PIK3C2G: variants seen among roughly 807,000 people sequenced by gnomAD.
The protein encoded by PIK3C2G is phosphatidylinositol-4-phosphate 3-kinase catalytic subunit type 2 gamma.
A neutral mutation model predicts 181.1 loss-of-function variants in PIK3C2G; 168 were observed. That is an observed-to-expected ratio of 0.93 (90% CI 0.82 to 1.05). The LOEUF (loss-of-function observed/expected upper bound fraction) is 1.05, where lower values mean the gene tolerates loss of function less well. PIK3C2G is among the 50% of genes least tolerant of loss of function. The pLI is 0.00. For missense variants in PIK3C2G, 1,869 were observed against 1,732.8 expected (o/e 1.08, Z -1.40); for synonymous variants, 573 against 592.2 (o/e 0.97, Z 0.47).
At chr12:18,512,565 A>G (rs1206776206) in intron 24 of PIK3C2G, among the ~76,000 whole-genome samples, 2 of 151,902 alleles carry the variant, frequency 1.3e-5, no homozygotes, top group African/African-American at 4.8e-5. Flanking sequence ...TGTTGCCCCC[A>G]TAAATGGGAT....
intron 31 of PIK3C2G, among the ~76,000 whole-genome samples, chr12:18,629,324 G>T (rs535394343): frequency 1.2e-4 from 19 of 152,248 alleles, no homozygotes; most frequent in Admixed American, 6.5e-5. Flanking sequence ...TGCCTACAAG[G>T]TCCCTAAGAA....
At chr12:18,614,447 T>A (rs1289924739) in intron 31 of PIK3C2G, among the ~76,000 whole-genome samples, 1 of 152,124 alleles carries the variant, frequency 6.6e-6, no homozygotes, top group Non-Finnish European at 1.5e-5. Context: ...CCTTCCTTTT[T>A]GAACATTTTG....
At chr12:18,414,414 C>G (rs1945051629) in intron 16 of PIK3C2G, among the ~76,000 whole-genome samples, 1 of 151,878 alleles carries the variant, frequency 6.6e-6, no homozygotes, top group Non-Finnish European at 1.5e-5. Context: ...TGTTTTCATC[C>G]TTCTCATCTT....
chr12:18,423,167 G>T (rs953926777), intron 17 of PIK3C2G, among the ~76,000 whole-genome samples: 1 of 151,674 alleles, frequency 6.6e-6, no homozygotes, highest in African/African-American at 2.4e-5. Context: ...GTGTGTGTGT[G>T]TAAGAGAGAG....
At chr12:18,464,664 T>C (rs368943159) in intron 18 of PIK3C2G, among the ~76,000 whole-genome samples, 2 of 152,236 alleles carry the variant, frequency 1.3e-5, no homozygotes, top group South Asian at 2.1e-4. Flanking sequence ...AAATATATTA[T>C]TTAGTTTTAT....
upstream of PIK3C2G, among the ~76,000 whole-genome samples, chr12:18,259,188 T>A (rs1000622966): frequency 6.6e-6 from 1 of 152,106 alleles, no homozygotes; most frequent in African/African-American, 2.4e-5. Context: ...CATTATAACC[T>A]GTACTAGGTA....
At chr12:18,340,813 T>C (rs1053764920) in intron 9 of PIK3C2G, among the ~76,000 whole-genome samples, 2 of 152,072 alleles carry the variant, frequency 1.3e-5, no homozygotes, top group African/African-American at 4.8e-5. Flanking sequence ...GTAGCTTAAA[T>C]GAGATCATTG....
chr12:18,695,583 C>G, the PIK3C2G span, among the ~76,000 whole-genome samples: 1 of 152,066 alleles, frequency 6.6e-6, no homozygotes, highest in East Asian at 1.9e-4. Flanking sequence ...ACACTCCACC[C>G]TCCACCCAGC....
At chr12:18,618,856 A>G (rs1163946827) in intron 31 of PIK3C2G, among the ~76,000 whole-genome samples, 2 of 152,174 alleles carry the variant, frequency 1.3e-5, no homozygotes, top group East Asian at 3.9e-4. Flanking sequence ...AATGAAGATG[A>G]CAGTGAACTT....
chr12:18,429,086 T>A (rs774909355), intron 18 of PIK3C2G, among the ~76,000 whole-genome samples: 2 of 152,084 alleles, frequency 1.3e-5, no homozygotes, highest in Admixed American at 6.5e-5. Flanking sequence ...TAATTAAAGA[T>A]CTTGAGATTA....
chr12:18,386,318 C>T (rs1193809154), intron 14 of PIK3C2G, among the ~76,000 whole-genome samples: 1 of 152,170 alleles, frequency 6.6e-6, no homozygotes, highest in East Asian at 1.9e-4. Context: ...TACTATCCTC[C>T]CATTTAAAGT....
At chr12:18,521,248 G>A (rs184795223) in intron 24 of PIK3C2G, among the ~76,000 whole-genome samples, 9 of 152,208 alleles carry the variant, frequency 5.9e-5, no homozygotes, top group South Asian at 2.1e-4. Context: ...AGCAGGACTC[G>A]TTTAACGAAG....
intron 1 of PIK3C2G, among the ~76,000 whole-genome samples, chr12:18,264,610 T>TTATGATTACCAC (rs1241674909): frequency 1.3e-5 from 2 of 152,162 alleles, no homozygotes; most frequent in Non-Finnish European, 2.9e-5. Context: ...TTAGGTTCCA[T>TTATGATTACCAC]TATGATTACT....
the PIK3C2G span, among the ~76,000 whole-genome samples, chr12:18,658,867 G>A: frequency 2.6e-5 from 4 of 152,082 alleles, no homozygotes; most frequent in Non-Finnish European, 5.9e-5. Context: ...TATTTGAATG[G>A]AAAAAATTTG....
chr12:18,315,747 T>C (rs1216095829), intron 6 of PIK3C2G, among the ~76,000 whole-genome samples: 1 of 152,146 alleles, frequency 6.6e-6, no homozygotes, highest in African/African-American at 2.4e-5. Context: ...GAAGTACAGA[T>C]TTGAGCACAG....
At chr12:18,560,164 A>G (rs1362895663) in intron 26 of PIK3C2G, among the ~76,000 whole-genome samples, 1 of 151,906 alleles carries the variant, frequency 6.6e-6, no homozygotes, top group Non-Finnish European at 1.5e-5. Flanking sequence ...ATGTGACAGC[A>G]ACAGATAGGA....
upstream of PIK3C2G, among the ~76,000 whole-genome samples, chr12:18,257,817 G>C (rs1292232474): frequency 2.2e-5 from 3 of 134,654 alleles, no homozygotes; most frequent in Non-Finnish European, 3.2e-5. Context: ...GAAAGAAGGA[G>C]AAAGAGAAAG....
chr12:18,642,397 G>A (rs190509355), intron 32 of PIK3C2G, among the ~76,000 whole-genome samples: 6 of 152,122 alleles, frequency 3.9e-5, no homozygotes, highest in African/African-American at 7.2e-5. Flanking sequence ...TCTTTTGCAC[G>A]TTTGTCAAAA....
chr12:18,370,735 C>T (rs1387905241), intron 12 of PIK3C2G, among the ~76,000 whole-genome samples: 2 of 152,120 alleles, frequency 1.3e-5, no homozygotes, highest in Non-Finnish European at 2.9e-5. Flanking sequence ...AGTTGTTCAT[C>T]CATATATGCC....
Sources: allele counts gnomAD v4.1 joint callset (sites outside exome capture counted in the v4.1 genomes callset), GRCh38; gene constraint gnomAD v4.1.1; transcripts MANE v1.5; gene names NCBI Gene and HGNC (gene_info 2026-07-23, HGNC 2026-07-21).